The following GALNT13 variants were observed in gnomAD, a reference collection of about 807,000 sequenced individuals.
The protein encoded by GALNT13 is polypeptide N-acetylgalactosaminyltransferase 13.
GALNT13 carries 28 observed loss-of-function variants against 64.2 expected under a neutral mutation model. The ratio of observed to expected loss-of-function variants is 0.44; its 90% CI spans 0.32 to 0.60. The LOEUF (loss-of-function observed/expected upper bound fraction) is 0.60, where lower values mean the gene tolerates loss of function less well. GALNT13 is among the 20% of genes least tolerant of loss of function. The probability of loss-of-function intolerance (pLI) is 0.05; values close to 1 mark genes in which losing one functional copy is unlikely to be tolerated. For synonymous variants in GALNT13, 214 were observed against 224.6 expected (o/e 0.95, Z 0.42); for missense variants, 577 against 669.8 (o/e 0.86, Z 1.53).
At position 154,417,521 on chromosome 2, in the gene GALNT13, A is replaced by ATTTATTTAT. The variant is rs1553529811; in HGVS notation, c.1395+8442_1395+8443insATTTATTTT. Among the ~76,000 whole-genome samples, 12 of 139,138 alleles carry ATTTATTTAT rather than the reference A, an allele frequency of 8.6e-5. No individual in the cohort carries two copies. In the East Asian group the frequency reaches 1.1e-3, roughly 12 times the overall value. The allele number at this position is 139,138 out of a possible 152,430, so 91.3% of individuals were successfully genotyped here. A position where few individuals can be genotyped will look rare whatever the true frequency, so the allele number is the denominator to read the frequency against. On this transcript the variant is annotated intron_variant, in intron 11 of 12. Coordinates refer to ENST00000392825, the MANE Select transcript of GALNT13 (RefSeq NM_052917.4). ...TATTTATTTATTTATTTATTTATTT[A>ATTTATTTAT]TTTTTTTGAGGCGGAGTCTTGCTCT...
intron 10 of GALNT13, among the ~76,000 whole-genome samples, chr2:154,396,993 A>G (rs1485624194): frequency 1.3e-5 from 2 of 150,544 alleles, no homozygotes; most frequent in Non-Finnish European, 3.0e-5. Flanking sequence ...TGATGATTAT[A>G]TATAATATAT....
chr2:154,145,104 A>ATCTATC (rs1558984611), intron 4 of GALNT13, among the ~76,000 whole-genome samples: 19 of 128,712 alleles, frequency 1.5e-4, no homozygotes, highest in East Asian at 7.8e-4. Flanking sequence ...ATCTATCTAT[A>ATCTATC]TATATATATA....
chr2:154,442,193 G>T (rs1193899029), intron 12 of GALNT13, among the ~76,000 whole-genome samples: 2 of 151,840 alleles, frequency 1.3e-5, no homozygotes, highest in African/African-American at 4.8e-5. Context: ...CAATAAATAT[G>T]GTCCATTTAG....
chr2:153,625,928 G>C, the GALNT13 span, among the ~76,000 whole-genome samples: 4 of 152,124 alleles, frequency 2.6e-5, no homozygotes, highest in African/African-American at 9.6e-5. Flanking sequence ...CTGAAATGTT[G>C]AGTTGTTCAA....
intron 4 of GALNT13, among the ~76,000 whole-genome samples, chr2:154,202,374 C>T (rs546763150): frequency 2.7e-5 from 4 of 150,374 alleles, no homozygotes; most frequent in African/African-American, 1.0e-4. Context: ...CTGCACTTAG[C>T]GTCCTTGAGA....
the GALNT13 span, among the ~76,000 whole-genome samples, chr2:153,415,575 A>C: frequency 6.6e-6 from 1 of 152,236 alleles, no homozygotes; most frequent in Non-Finnish European, 1.5e-5. Context: ...AATATAATGC[A>C]TTTATAAAAT....
At chr2:153,476,381 A>C in the GALNT13 span, among the ~76,000 whole-genome samples, 4 of 152,228 alleles carry the variant, frequency 2.6e-5, no homozygotes, top group African/African-American at 9.6e-5. Context: ...TTTAATTGCT[A>C]TATAGCATCC....
At chr2:153,827,952 G>A in the GALNT13 span, among the ~76,000 whole-genome samples, 6 of 152,202 alleles carry the variant, frequency 3.9e-5, no homozygotes, top group African/African-American at 1.4e-4. Flanking sequence ...GGGGGCTACA[G>A]GCCCCACGCA....
At chr2:153,247,634 C>T in the GALNT13 span, among the ~76,000 whole-genome samples, 430 of 152,094 alleles carry the variant, frequency 2.8e-3, 3 homozygotes, top group Non-Finnish European at 4.0e-3. Flanking sequence ...AGTTGACACC[C>T]TAATATCACG....
the GALNT13 span, among the ~76,000 whole-genome samples, chr2:153,158,516 T>A: frequency 6.6e-6 from 1 of 152,194 alleles, no homozygotes; most frequent in Non-Finnish European, 1.5e-5. Context: ...CCTGGACTCT[T>A]AACTCTGTGT....
At chr2:153,462,907 T>C in the GALNT13 span, among the ~76,000 whole-genome samples, 2 of 152,138 alleles carry the variant, frequency 1.3e-5, no homozygotes, top group African/African-American at 4.8e-5. Context: ...TAGCTGTATC[T>C]TTTCATAGAT....
At chr2:154,000,605 C>T (rs1198182730) in intron 3 of GALNT13, among the ~76,000 whole-genome samples, 2 of 151,764 alleles carry the variant, frequency 1.3e-5, no homozygotes, top group African/African-American at 2.4e-5. Flanking sequence ...TCTAACATTC[C>T]TTTTGTCATT....
intron 9 of GALNT13, among the ~76,000 whole-genome samples, chr2:154,384,946 T>C (rs147760611): frequency 4.7e-4 from 72 of 152,054 alleles, no homozygotes; most frequent in Non-Finnish European, 8.3e-4. Flanking sequence ...ATGGCCATAA[T>C]TATCTACTGA....
At chr2:153,678,301 A>G in the GALNT13 span, among the ~76,000 whole-genome samples, 10 of 151,880 alleles carry the variant, frequency 6.6e-5, no homozygotes, top group Admixed American at 2.0e-4. Context: ...GTGGAAAAGT[A>G]GATAAATAAA....
chr2:154,439,350 G>A (rs1218342992), intron 12 of GALNT13, among the ~76,000 whole-genome samples: 4 of 152,078 alleles, frequency 2.6e-5, no homozygotes, highest in Non-Finnish European at 5.9e-5. Flanking sequence ...GCCATCAGAT[G>A]GAGCTAATAA....
chr2:153,491,940 A>G, the GALNT13 span, among the ~76,000 whole-genome samples: 2,927 of 152,228 alleles, frequency 0.019, 103 homozygotes, highest in African/African-American at 0.067. Context: ...TTTCTATATG[A>G]AGCATTTTAA....
At chr2:154,356,738 T>C (rs185792325) in intron 9 of GALNT13, among the ~76,000 whole-genome samples, 14 of 152,158 alleles carry the variant, frequency 9.2e-5, no homozygotes, top group African/African-American at 2.9e-4. Flanking sequence ...TATTTGTTTC[T>C]TTAAATTGAT....
the GALNT13 span, among the ~76,000 whole-genome samples, chr2:153,567,391 A>G: frequency 6.6e-6 from 1 of 152,176 alleles, no homozygotes; most frequent in Non-Finnish European, 1.5e-5. Flanking sequence ...TTCCCAGGTG[A>G]GGGGAGGTGG....
Position 154,059,446 on chromosome 2 carries a change from A to T in GALNT13, c.143-80891A>T, listed in dbSNP as rs865966829. Among the ~76,000 whole-genome samples the T allele has an allele frequency of 7.2e-5, 11 of 152,356 alleles. No homozygotes were observed. In the East Asian group the frequency reaches 2.1e-3, roughly 29 times the overall value. ...ATATAAAGGCTTGATCAGAAATAGC[A>T]TGGACTTCATTTTGTTTTTAAGGCT... On this transcript the variant is annotated intron_variant, in intron 3 of 12. Transcript: ENST00000392825.
Sources: allele counts gnomAD v4.1 joint callset (sites outside exome capture counted in the v4.1 genomes callset), GRCh38; gene constraint gnomAD v4.1.1; transcripts MANE v1.5; gene names NCBI Gene and HGNC (gene_info 2026-07-23, HGNC 2026-07-21).